SEMA6D: variants seen among roughly 807,000 people sequenced by gnomAD.
SEMA6D encodes semaphorin 6D, also known as semaphorin-6D.
SEMA6D carries 35 observed loss-of-function variants against 106.6 expected under a neutral mutation model. The ratio of observed to expected loss-of-function variants is 0.33; its 90% CI spans 0.25 to 0.44. SEMA6D has a LOEUF of 0.44. SEMA6D is among the 20% of genes least tolerant of loss of function. SEMA6D has a pLI of 1.00. For synonymous variants in SEMA6D, 499 were observed against 487.7 expected (o/e 1.02, Z -0.31); for missense variants, 1,185 against 1,345.9 (o/e 0.88, Z 1.87).
At chr15:47,391,383 AG>A (rs2040024498) in intron 1 of SEMA6D, among the ~76,000 whole-genome samples, 1 of 121,258 alleles carries the variant, frequency 8.2e-6, no homozygotes, top group Admixed American at 8.0e-5. Flanking sequence ...AAGTCCTGAT[AG>A]TAATGAGTCT....
chr15:47,582,694 T>C (rs11635824), intron 3 of SEMA6D, among the ~76,000 whole-genome samples: 37,960 of 151,970 alleles, frequency 0.25, 5,584 homozygotes, highest in East Asian at 0.46. Flanking sequence ...AGACGGTGGG[T>C]GATGAGGTAC....
chr15:47,276,359 AGAG>A (rs759467590), intron 1 of SEMA6D, among the ~76,000 whole-genome samples: 43 of 152,132 alleles, frequency 2.8e-4, no homozygotes, highest in Admixed American at 5.9e-4. Context: ...TCATAGCTAG[AGAG>A]GAGAAGTTCA....
chr15:47,487,410 A>G (rs2043328687), intron 3 of SEMA6D, among the ~76,000 whole-genome samples: 1 of 152,232 alleles, frequency 6.6e-6, no homozygotes, highest in Admixed American at 6.5e-5. Flanking sequence ...CACATTTATA[A>G]TACATGTACA....
intron 4 of SEMA6D, among the ~76,000 whole-genome samples, chr15:47,602,321 G>A (rs1022195927): frequency 1.3e-5 from 2 of 152,134 alleles, no homozygotes; most frequent in African/African-American, 2.4e-5. Flanking sequence ...CTCATCTAAG[G>A]TAATTACAAT....
intron 1 of SEMA6D, among the ~76,000 whole-genome samples, chr15:47,358,328 C>T (rs1440748740): frequency 6.7e-6 from 1 of 148,432 alleles, no homozygotes; most frequent in Non-Finnish European, 1.5e-5. Context: ...ATTTATTGGC[C>T]TTTTTTGTTC....
chr15:47,711,328 A>AAG (rs1488531623), intron 4 of SEMA6D, among the ~76,000 whole-genome samples: 1 of 151,758 alleles, frequency 6.6e-6, no homozygotes, highest in Non-Finnish European at 1.5e-5. Flanking sequence ...AAAAAAAAAA[A>AAG]AAATGTATAG....
chr15:47,525,309 T>C (rs192353566), intron 3 of SEMA6D: 122 of 152,370 alleles, frequency 8.0e-4, no homozygotes, highest in Middle Eastern at 3.4e-3. Context: ...ATAGCTATGC[T>C]TCTCACCTTT....
chr15:47,484,373 T>G (rs1329823352), intron 3 of SEMA6D, among the ~76,000 whole-genome samples: 1 of 152,136 alleles, frequency 6.6e-6, no homozygotes, highest in Middle Eastern at 3.2e-3. Flanking sequence ...TTAGGGACAC[T>G]TCCTGTGTAG....
intron 1 of SEMA6D, among the ~76,000 whole-genome samples, chr15:47,364,197 A>G (rs1441588577): frequency 6.6e-6 from 1 of 152,202 alleles, no homozygotes; most frequent in Non-Finnish European, 1.5e-5. Flanking sequence ...AGCATCACTC[A>G]GTTAGACTTG....
intron 3 of SEMA6D, among the ~76,000 whole-genome samples, chr15:47,507,922 T>C (rs1461433454): frequency 1.3e-5 from 2 of 152,226 alleles, no homozygotes; most frequent in Non-Finnish European, 2.9e-5. Flanking sequence ...AGATGGCAAG[T>C]GACATGCTTT....
intron 1 of SEMA6D, among the ~76,000 whole-genome samples, chr15:47,218,760 C>G (rs1403495649): frequency 6.6e-6 from 1 of 152,148 alleles, no homozygotes; most frequent in South Asian, 2.1e-4. Context: ...TGTCAATTGT[C>G]TGATACATGT....
chr15:47,285,872 T>C (rs2035337745), intron 1 of SEMA6D, among the ~76,000 whole-genome samples: 1 of 152,240 alleles, frequency 6.6e-6, no homozygotes, highest in Admixed American at 6.5e-5. Flanking sequence ...TAACTTTTAC[T>C]TTAACAAACA....
chr15:47,310,686 CAT>C (rs1380076774), intron 1 of SEMA6D, among the ~76,000 whole-genome samples: 7 of 152,078 alleles, frequency 4.6e-5, no homozygotes, highest in Admixed American at 2.0e-4. Flanking sequence ...TCACAACAGT[CAT>C]ATGAAGGAAG....
Position 47,271,801 on chromosome 15 carries a change from G to T in SEMA6D, c.-239+87383G>T, listed in dbSNP as rs560229872. Among the ~76,000 whole-genome samples, 7 of 152,318 alleles carry T rather than the reference G, an allele frequency of 4.6e-5. No individual in the cohort carries two copies. In the South Asian group the frequency reaches 1.2e-3, roughly 27 times the overall value. ...AGTGAGACTGGTGGTTATCAGTCCAGTGGATTCCAAGAGGTCAGTGGAGGA... is the reference window on the plus strand; with the variant it reads ...AGTGAGACTGGTGGTTATCAGTCCATTGGATTCCAAGAGGTCAGTGGAGGA... On this transcript the variant is annotated intron_variant, in intron 1 of 19. Transcript: ENST00000558014.
intron 1 of SEMA6D, among the ~76,000 whole-genome samples, chr15:47,739,942 A>C (rs1387502997): frequency 1.3e-5 from 2 of 152,216 alleles, no homozygotes; most frequent in African/African-American, 4.8e-5. Context: ...TAAGTCTACA[A>C]CCCTGGAAAC....
chr15:47,469,640 A>G (rs1020832271), intron 2 of SEMA6D, among the ~76,000 whole-genome samples: 1 of 152,140 alleles, frequency 6.6e-6, no homozygotes, highest in Middle Eastern at 3.2e-3. Context: ...TCAAATACCT[A>G]TCATATGCCA....
chr15:47,508,342 T>C (rs1209699179), intron 3 of SEMA6D, among the ~76,000 whole-genome samples: 2 of 152,208 alleles, frequency 1.3e-5, no homozygotes, highest in Non-Finnish European at 2.9e-5. Context: ...TTTTGGATCC[T>C]GTTTGGCATT....
Position 47,438,630 on chromosome 15 carries a change from T to TG in SEMA6D, c.-159+26160dup, listed in dbSNP as rs200885952. On this transcript the variant is annotated intron_variant, in intron 2 of 19. Transcript: ENST00000558014. Reference sequence around the variant, plus strand: ...AGGATCTTGGCAGTTGCTGTCCTTCTGGTTATGTTCTTTCCACAGATGGCT... The same window carrying TG: ...AGGATCTTGGCAGTTGCTGTCCTTCTGGGTTATGTTCTTTCCACAGATGGCT... Among the ~76,000 whole-genome samples, 877 of 152,046 alleles carry TG rather than the reference T, an allele frequency of 5.8e-3. 6 individuals carry two copies. The highest frequency in any genetic ancestry group is 0.016 in the Admixed American group (246 of 15,232).
chr15:47,265,434 T>A lies in SEMA6D; in HGVS notation c.-239+81016T>A, dbSNP rs532596442. Among the ~76,000 whole-genome samples, 3 of 152,008 alleles carry A rather than the reference T, an allele frequency of 2.0e-5. No individual in the cohort carries two copies. The South Asian group carries it at 6.2e-4, about 31-fold the overall frequency. On this transcript the variant is annotated intron_variant, in intron 1 of 19. Transcript: ENST00000558014. Reference sequence around the variant, plus strand: ...AATTATAGAAGGCCAATGTGATTTTTAAAAATAATTTATATTTCTTTATTA... The same window carrying A: ...AATTATAGAAGGCCAATGTGATTTTAAAAAATAATTTATATTTCTTTATTA...
Sources: allele counts gnomAD v4.1 joint callset (sites outside exome capture counted in the v4.1 genomes callset), GRCh38; gene constraint gnomAD v4.1.1; transcripts MANE v1.5; gene names NCBI Gene and HGNC (gene_info 2026-07-23, HGNC 2026-07-21).